Variants in MAP3K7 observed in about 807,000 individuals in gnomAD.
The protein encoded by MAP3K7 is mitogen-activated protein kinase kinase kinase 7.
In MAP3K7, 21 loss-of-function variants were observed where a neutral mutation model predicts 84.8. The observed-to-expected ratio is 0.25, with a 90% CI of 0.18 to 0.36. MAP3K7 has a LOEUF of 0.36. Among genes scored for constraint, MAP3K7 ranks in the 10% least tolerant of loss-of-function variants. The probability of loss-of-function intolerance (pLI) is 1.00; values close to 1 mark genes in which losing one functional copy is unlikely to be tolerated. For missense variants in MAP3K7, 503 were observed against 747.7 expected (o/e 0.67, Z 3.82); for synonymous variants, 241 against 247.7 (o/e 0.97, Z 0.25).
In MAP3K7 at chr6:90,516,136, C is replaced by A; in HGVS notation, c.*365G>T. On this transcript the variant is annotated 3_prime_UTR_variant, in exon 17 of 17. Coordinates refer to ENST00000369329, the MANE Select transcript of MAP3K7 (RefSeq NM_145331.3). ...AATAAAGTCATTCTTGAGGTTCCAC[C>A]TCTAATATGAAAAAATGGACGCTGT... 4.8e-6 allele frequency: 1 copy of A among 207,072 alleles called. No individual in the cohort carries two copies. The highest frequency in any genetic ancestry group is 9.6e-6 in the Non-Finnish European group (1 of 104,066). The allele number at this position is 207,072 out of a possible 1,614,324, so 12.8% of individuals were successfully genotyped here.
chr6:90,577,837 T>C (rs1777138500), intron 1 of MAP3K7, among the ~76,000 whole-genome samples: 1 of 152,228 alleles, frequency 6.6e-6, no homozygotes, highest in South Asian at 2.1e-4. Flanking sequence ...GCCCTCCAGG[T>C]AGTTTCAATG....
chr6:90,519,282 A>G lies in MAP3K7; in HGVS notation c.1500T>C (p.Tyr500=), dbSNP rs765794482. The change falls in exon 15 of 17, where the codon TAT becomes TAC. Residue 500 remains tyrosine (Y), a synonymous_variant. Transcript: ENST00000369329. ...NGSDNSIPMA[Y]LTLDHQLQPL... The stretch of plus-strand genomic sequence containing the variant: ...CCTGTAGTTGGTGATCCAGTGTAAG[A>G]TAAGCCATTGGGATGGAGTTATCTG... 2 of 1,590,670 alleles carry G rather than the reference A, an allele frequency of 1.3e-6. No homozygotes were observed. The highest frequency in any genetic ancestry group is 1.1e-5 in the South Asian group (1 of 87,078).
chr6:90,570,110 A>G (rs1457132193), intron 2 of MAP3K7, among the ~76,000 whole-genome samples: 1 of 152,212 alleles, frequency 6.6e-6, no homozygotes, highest in Non-Finnish European at 1.5e-5. Flanking sequence ...AGCAGATTAT[A>G]CAAGCATTTT....
intron 1 of MAP3K7, 48 bp downstream of exon 1, chr6:90,586,716 G>A (rs1302633588): frequency 6.5e-7 from 1 of 1,543,398 alleles, no homozygotes; most frequent in Non-Finnish European, 8.7e-7. Flanking sequence ...GGCAGAGGCG[G>A]GGGCGGGGCA....
intron 12 of MAP3K7, among the ~76,000 whole-genome samples, chr6:90,539,361 T>C (rs1008306851): frequency 1.3e-5 from 2 of 151,898 alleles, no homozygotes; most frequent in African/African-American, 2.4e-5. Flanking sequence ...CTATTTAATA[T>C]GCCACAAATA....
intron 1 of MAP3K7, among the ~76,000 whole-genome samples, chr6:90,577,932 G>A (rs1359376030): frequency 2.0e-5 from 3 of 152,186 alleles, no homozygotes; most frequent in African/African-American, 7.2e-5. Context: ...ACACAGACCA[G>A]AGAGCTCTCC....
intron 16 of MAP3K7, among the ~76,000 whole-genome samples, chr6:90,517,477 C>T (rs1775004091): frequency 6.6e-6 from 1 of 151,706 alleles, no homozygotes; most frequent in Admixed American, 6.6e-5. Context: ...CACCCTAATC[C>T]ACCATTTGTT....
At chr6:90,581,314 T>C (rs1777263433) in intron 1 of MAP3K7, among the ~76,000 whole-genome samples, 1 of 152,158 alleles carries the variant, frequency 6.6e-6, no homozygotes, top group South Asian at 2.1e-4. Context: ...CAGTTTCATT[T>C]GGCCCTGTTC....
intron 14 of MAP3K7, among the ~76,000 whole-genome samples, chr6:90,521,110 T>G (rs947512824): frequency 1.3e-5 from 2 of 152,074 alleles, no homozygotes; most frequent in Non-Finnish European, 2.9e-5. Flanking sequence ...GTGGGGAACT[T>G]AAGGTCCTTC....
At position 90,550,535 on chromosome 6, in the gene MAP3K7, T is replaced by G; in HGVS notation, c.882A>C (p.Ala294=). The change falls in exon 9 of 17, where the codon GCA becomes GCC. Residue 294 remains alanine, a synonymous_variant. Coordinates refer to ENST00000369329, the MANE Select transcript of MAP3K7 (RefSeq NM_145331.3). The part of the protein sequence containing the change: ...MTHLMRYFPG[A]DEPLQYPCQY... ...GACAAGGATACTGTAATGGCTCATCTGCTCCTGGAAAGTACTATATATAAA... is the reference window on the plus strand; with the variant it reads ...GACAAGGATACTGTAATGGCTCATCGGCTCCTGGAAAGTACTATATATAAA... The G allele has an allele frequency of 6.2e-7, 1 of 1,609,362 alleles. No homozygotes were observed.
intron 9 of MAP3K7, among the ~76,000 whole-genome samples, chr6:90,549,008 G>A (rs1776093903): frequency 1.3e-5 from 2 of 152,086 alleles, no homozygotes; most frequent in African/African-American, 2.4e-5. Flanking sequence ...GGGGAAAAGA[G>A]AAGCTAGTGA....
At chr6:90,577,127 G>A (rs1297325157) in intron 1 of MAP3K7, among the ~76,000 whole-genome samples, 1 of 152,146 alleles carries the variant, frequency 6.6e-6, no homozygotes, top group Non-Finnish European at 1.5e-5. Flanking sequence ...AAGGTCAATG[G>A]TAGTGCAGAA....
chr6:90,535,588 TTA>T (rs2127964435), intron 13 of MAP3K7, among the ~76,000 whole-genome samples: 1 of 152,130 alleles, frequency 6.6e-6, no homozygotes, highest in Admixed American at 6.5e-5. Context: ...ATATAATAAA[TTA>T]TATATGTCAA....
chr6:90,583,967 A>G (rs747215239), intron 1 of MAP3K7, among the ~76,000 whole-genome samples: 18 of 152,370 alleles, frequency 1.2e-4, no homozygotes, highest in South Asian at 2.1e-4. Flanking sequence ...CTGAGTTACA[A>G]TATTAGAAAT....
At chr6:90,519,550 G>T (rs1775081117) in intron 14 of MAP3K7, among the ~76,000 whole-genome samples, 1 of 151,836 alleles carries the variant, frequency 6.6e-6, no homozygotes, top group Non-Finnish European at 1.5e-5. Flanking sequence ...AATTTAAGTT[G>T]GCTATAAACT....
chr6:90,585,553 G>A (rs1004905669), intron 1 of MAP3K7, among the ~76,000 whole-genome samples: 3 of 151,028 alleles, frequency 2.0e-5, no homozygotes, highest in African/African-American at 7.4e-5. Flanking sequence ...GTAAGAGATA[G>A]TATTTTCAAC....
chr6:90,536,031 G>A lies in MAP3K7; in HGVS notation c.1356+306C>T, dbSNP rs146681593. 5.3e-4 allele frequency among the ~76,000 whole-genome samples: 80 copies of A among 152,190 alleles called. No individual in the cohort carries two copies. The East Asian group carries it at 0.014, about 28-fold the overall frequency. On this transcript the variant is annotated intron_variant, in intron 13 of 16. Coordinates refer to ENST00000369329, the MANE Select transcript of MAP3K7 (RefSeq NM_145331.3). ...TTAAAGGACACTTTAATGATAAATT[G>A]TTAAATTATAAAATTGAATACTTAT...
chr6:90,516,784 C>T (rs985804512), intron 16 of MAP3K7, 103 bp from the exon 17 acceptor site: 4 of 922,380 alleles, frequency 4.3e-6, no homozygotes, highest in African/African-American at 3.4e-5. Context: ...CTTGGTTTAT[C>T]ATTTTGCATC....
In MAP3K7 at chr6:90,561,725, TGAGA is replaced by T. The variant is rs1036005853; in HGVS notation, c.298-62_298-59del. On this transcript the variant is annotated intron_variant, in intron 3 of 16. Coordinates refer to ENST00000369329, the MANE Select transcript of MAP3K7 (RefSeq NM_145331.3). ...AGAAGCTCCATCATCTTAGGGCCTT[TGAGA>T]GAGAATTTAATTCACTCCCCTGATT... 134 of 1,186,664 alleles carry T rather than the reference TGAGA, an allele frequency of 1.1e-4. No homozygotes were observed. In the African/African-American group the frequency reaches 1.6e-3, roughly 15 times the overall value. 73.5% of individuals were successfully genotyped at this position (1,186,664 alleles called of 1,614,324 possible). A position where few individuals can be genotyped will look rare whatever the true frequency, so the allele number is the denominator to read the frequency against.
Sources: allele counts gnomAD v4.1 joint callset (sites outside exome capture counted in the v4.1 genomes callset), GRCh38; gene constraint gnomAD v4.1.1; transcripts MANE v1.5; gene names NCBI Gene and HGNC (gene_info 2026-07-23, HGNC 2026-07-21).